TRABD: variants seen among roughly 807,000 people sequenced by gnomAD.
The protein encoded by TRABD is traB domain-containing protein.
A neutral mutation model predicts 39.6 loss-of-function variants in TRABD; 23 were observed. The observed-to-expected ratio is 0.58, with a 90% confidence interval of 0.42 to 0.82. The LOEUF is 0.82. TRABD is among the 40% of genes least tolerant of loss of function. The probability of loss-of-function intolerance (pLI) is 0.00; values close to 1 mark genes in which losing one functional copy is unlikely to be tolerated. For synonymous variants in TRABD, 243 were observed against 232.1 expected (o/e 1.05, Z -0.43); for missense variants, 487 against 544.9 (o/e 0.89, Z 1.06).
chr22:50,190,196 G>A (rs912814578), intron 1 of TRABD, among the ~76,000 whole-genome samples: 4 of 152,180 alleles, frequency 2.6e-5, no homozygotes, highest in African/African-American at 4.8e-5. Context: ...GGCTCCCTGC[G>A]GGCAGCACGC....
intron 5 of TRABD, among the ~76,000 whole-genome samples, chr22:50,196,041 T>C (rs1406330455): frequency 1.3e-5 from 2 of 152,150 alleles, no homozygotes; most frequent in Non-Finnish European, 2.9e-5. Context: ...CGAAGGGGCA[T>C]AGAATTCGGC....
In TRABD at chr22:50,197,603, G is replaced by C. The variant is rs577921610; in HGVS notation, c.671+15G>C. On this transcript the variant is annotated intron_variant, in intron 7 of 9. Coordinates refer to ENST00000380909, the MANE Select transcript of TRABD (RefSeq NM_001320485.2). ...GACCCCATCAGGTAGGGCTGCCCCC[G>C]GGACCCTGGCCGGCCTGCAGGGTGG... 1.4e-5 allele frequency: 22 copies of C among 1,611,548 alleles called. No individual in the cohort carries two copies. In the African/African-American group the frequency reaches 2.3e-4, roughly 17 times the overall value.
chr22:50,189,702 C>G (rs971080546), intron 1 of TRABD, among the ~76,000 whole-genome samples: 1 of 151,018 alleles, frequency 6.6e-6, no homozygotes, highest in Non-Finnish European at 1.5e-5. Flanking sequence ...CTGGCCGGAC[C>G]CCAGGTGATG....
chr22:50,195,344 C>T (rs530288069), intron 5 of TRABD, among the ~76,000 whole-genome samples: 1 of 152,212 alleles, frequency 6.6e-6, no homozygotes, highest in Admixed American at 6.5e-5. Flanking sequence ...AAGGTTGGCC[C>T]CCCCGGTACC....
Position 50,198,486 on chromosome 22 carries a change from C to A in TRABD, c.1098C>A (p.Cys366Ter). Residue 366 changes from cysteine (C) to a stop codon, truncating the protein, a stop_gained, in exon 10 of 10, where the codon TGC becomes TGA. Transcript: ENST00000380909. LOFTEE classifies it high-confidence loss of function. The surrounding 1 kb of genome is among the most constrained non-coding windows in gnomAD (Gnocchi z 7.9). ...TGTCGCTGCCCGCCGCGCAGTACTGCCTGCAGAGGGTGACCGAGGCCCGGC... is the reference window on the plus strand; with the variant it reads ...TGTCGCTGCCCGCCGCGCAGTACTGACTGCAGAGGGTGACCGAGGCCCGGC... ...LVLSLPAAQY[C>*]LQRVTEARHK 1 of 1,588,488 alleles carries A rather than the reference C, an allele frequency of 6.3e-7. No individual in the cohort carries two copies.
rs1442995583 is a variant in TRABD at position 50,190,145 on chromosome 22, G to A, written c.-34-2882G>A. ...TGTCAGAGACGTCCCCCAGAATCAC[G>A]GGCTTTAGGTGCTGGGGGGTCCTCA... On this transcript the variant is annotated intron_variant, in intron 1 of 9. Transcript: ENST00000380909. 3.3e-5 allele frequency among the ~76,000 whole-genome samples: 5 copies of A among 152,224 alleles called. No individual in the cohort carries two copies. In the East Asian group the frequency reaches 5.8e-4, roughly 18 times the overall value.
Position 50,198,623 on chromosome 22 carries a change from A to C in TRABD, c.*104A>C. 1.4e-5 allele frequency: 17 copies of C among 1,213,368 alleles called. No homozygotes were observed. The highest frequency in any genetic ancestry group is 1.6e-5 in the South Asian group (1 of 60,786). 75.2% of individuals were successfully genotyped at this position (1,213,368 alleles called of 1,614,324 possible). A position where few individuals can be genotyped will look rare whatever the true frequency, so the allele number is the denominator to read the frequency against. Reference sequence around the variant, plus strand: ...CCGCCCGAGGCCCCTGCCACCCCCCATGGGGGTCTGGGCCCGGCCTCGCCT... The same window carrying C: ...CCGCCCGAGGCCCCTGCCACCCCCCCTGGGGGTCTGGGCCCGGCCTCGCCT... On this transcript the variant is annotated 3_prime_UTR_variant, in exon 10 of 10. Transcript: ENST00000380909. This position sits in a 1 kb window ranked among gnomAD's most constrained non-coding sequence, Gnocchi z 7.9.
In TRABD at chr22:50,198,760, C is replaced by T. The variant is rs2064221888; in HGVS notation, c.*241C>T. On this transcript the variant is annotated 3_prime_UTR_variant, in exon 10 of 10. Coordinates refer to ENST00000380909, the MANE Select transcript of TRABD (RefSeq NM_001320485.2). This position sits in a 1 kb window ranked among gnomAD's most constrained non-coding sequence, Gnocchi z 7.9. ...CCCCTCCCACACTGCAGGGGCCGTT[C>T]CCCAGCTTCTGGACAAGACACCCAG... The T allele has an allele frequency of 1.8e-6, 1 of 553,900 alleles. No homozygotes were observed. The highest frequency in any genetic ancestry group is 3.2e-6 in the Non-Finnish European group (1 of 315,594). The allele number at this position is 553,900 out of a possible 1,614,324, so 34.3% of individuals were successfully genotyped here. A position where few individuals can be genotyped will look rare whatever the true frequency, so the allele number is the denominator to read the frequency against.
At position 50,198,175 on chromosome 22, in the gene TRABD, G is replaced by A; in HGVS notation, c.945G>A (p.Gln315=). The A allele has an allele frequency of 6.2e-7, 1 of 1,610,918 alleles. No individual in the cohort carries two copies. The highest frequency in any genetic ancestry group is 2.2e-5 in the East Asian group (1 of 44,696). ...EKNWSTDLNI[Q]EIMTVPPPSV... ...ACTGGAGCACCGACCTCAACATCCA[G>A]GAGATCATGACGTGAGTGCCCGCCC... The change falls in exon 9 of 10, where the codon CAG becomes CAA. Residue 315 remains glutamine, a synonymous_variant. Coordinates refer to ENST00000380909, the MANE Select transcript of TRABD (RefSeq NM_001320485.2). This position sits in a 1 kb window ranked among gnomAD's most constrained non-coding sequence, Gnocchi z 7.9.
chr22:50,193,804 G>T (rs961346935), intron 3 of TRABD, 150 bp downstream of exon 3: 6 of 717,012 alleles, frequency 8.4e-6, no homozygotes, highest in Non-Finnish European at 1.2e-5. Context: ...GCTAGGCCTG[G>T]TGCCACCCAA....
At position 50,194,425 on chromosome 22, in the gene TRABD, G is replaced by C; in HGVS notation, c.198G>C (p.Gln66His). 6.2e-7 allele frequency: 1 copy of C among 1,612,842 alleles called. No homozygotes were observed. Among genetic ancestry groups the C allele is most frequent in the Non-Finnish European group, 8.5e-7 (1 of 1,179,732 alleles). ...CCAACCTGCCGCGCACTGTGACCCA[G>C]TTGGTGGCTGAGGACGGGAGCAGGG... ...QRPNLPRTVT[Q>H]LVAEDGSRVY... is the part of the protein sequence containing the mutation. The change falls in exon 4 of 10, where the codon CAG becomes CAC. Residue 66 changes from glutamine (Q) to histidine (H), a missense_variant. Gln to His is a conservative substitution (Grantham distance 24). Around this residue, in one of 3 missense-constraint regions of TRABD, gnomAD observed 358 missense variants for 414.7 expected, o/e 0.86. Transcript: ENST00000380909.
In TRABD at chr22:50,192,646, G is replaced by C. The variant is rs1002106302; in HGVS notation, c.-34-381G>C. ...CTGGGGTCCTTGCCATGTGTCAGCAGCTGCGTTGCTGTGTCCTGAGATCAT... is the reference window on the plus strand; with the variant it reads ...CTGGGGTCCTTGCCATGTGTCAGCACCTGCGTTGCTGTGTCCTGAGATCAT... On this transcript the variant is annotated intron_variant, in intron 1 of 9. Transcript: ENST00000380909. Among the ~76,000 whole-genome samples, 6 of 144,598 alleles carry C rather than the reference G, an allele frequency of 4.1e-5. No homozygotes were observed. The South Asian group carries it at 1.3e-3, about 32-fold the overall frequency. 94.9% of individuals were successfully genotyped at this position (144,598 alleles called of 152,430 possible).
In TRABD at chr22:50,198,526, G is replaced by A; in HGVS notation, c.*7G>A. 1 of 1,534,162 alleles carries A rather than the reference G, an allele frequency of 6.5e-7. No homozygotes were observed. Among genetic ancestry groups the A allele is most frequent in the East Asian group, 2.3e-5 (1 of 43,144 alleles). Reference sequence around the variant, plus strand: ...CGAGGCCCGGCACAAGTAGGAGACTGCTCCCCGCCCGCTCGGGCCCCTGAG... The same window carrying A: ...CGAGGCCCGGCACAAGTAGGAGACTACTCCCCGCCCGCTCGGGCCCCTGAG... On this transcript the variant is annotated 3_prime_UTR_variant, in exon 10 of 10. Coordinates refer to ENST00000380909, the MANE Select transcript of TRABD (RefSeq NM_001320485.2). This position sits in a 1 kb window ranked among gnomAD's most constrained non-coding sequence, Gnocchi z 7.9.
intron 1 of TRABD, among the ~76,000 whole-genome samples, chr22:50,188,424 G>A (rs1243085177): frequency 6.6e-6 from 1 of 152,198 alleles, no homozygotes; most frequent in African/African-American, 2.4e-5. Flanking sequence ...CACTGGTGCT[G>A]GGAAAAAACT....
intron 1 of TRABD, among the ~76,000 whole-genome samples, chr22:50,187,957 G>A (rs1160839456): frequency 6.6e-6 from 1 of 151,436 alleles, no homozygotes; most frequent in Non-Finnish European, 1.5e-5. Context: ...TCCAGCGTGG[G>A]CAACAGAGTG....
At position 50,194,480 on chromosome 22, in the gene TRABD, G is replaced by A. The variant is rs753548407; in HGVS notation, c.253G>A (p.Asp85Asn). ...CGTGGTGGGGACAGCCCACTTCAGC[G>A]ACGACAGCAAGAGGGACGTTGTGAA... The part of the protein sequence containing the change: ...VYVVGTAHFS[D>N]DSKRDVVKTI... Residue 85 changes from aspartate to asparagine, a missense_variant, in exon 4 of 10, where the codon GAC becomes AAC. Coordinates refer to ENST00000380909, the MANE Select transcript of TRABD (RefSeq NM_001320485.2). The A allele has an allele frequency of 5.6e-6, 9 of 1,596,784 alleles. No individual in the cohort carries two copies. Among genetic ancestry groups the A allele is most frequent in the African/African-American group, 4.0e-5 (3 of 74,496 alleles).
intron 2 of TRABD, 43 bp downstream of exon 2, chr22:50,193,136 G>A (rs1308023120): frequency 6.6e-7 from 1 of 1,517,630 alleles, no homozygotes; most frequent in South Asian, 1.2e-5. Context: ...CAGGGGCGGG[G>A]GGCTTCCCCG....
intron 1 of TRABD, among the ~76,000 whole-genome samples, chr22:50,186,650 G>A (rs13054650): frequency 1.3e-5 from 2 of 151,990 alleles, no homozygotes; most frequent in African/African-American, 2.4e-5. Flanking sequence ...GGGGGAGGCC[G>A]AGCGGGAGGC....
Position 50,198,807 on chromosome 22 carries a change from T to G in TRABD, c.*288T>G. On this transcript the variant is annotated 3_prime_UTR_variant, in exon 10 of 10. Transcript: ENST00000380909. This position sits in a 1 kb window ranked among gnomAD's most constrained non-coding sequence, Gnocchi z 7.9. ...CCAGCTCCGAGGGGGCAGGGGCTTA[T>G]AGGAGGGGCCGAGGCGTGCGCTGCC... The G allele has an allele frequency of 1.9e-6, 1 of 537,468 alleles. No individual in the cohort carries two copies. Among genetic ancestry groups the G allele is most frequent in the Non-Finnish European group, 3.3e-6 (1 of 303,782 alleles). 33.3% of individuals were successfully genotyped at this position (537,468 alleles called of 1,614,324 possible).
Sources: allele counts gnomAD v4.1 joint callset (sites outside exome capture counted in the v4.1 genomes callset), GRCh38; gene constraint gnomAD v4.1.1; regional missense constraint gnomAD v4.1.1; non-coding constraint Gnocchi (gnomAD v3.1); transcripts MANE v1.5; gene names NCBI Gene and HGNC (gene_info 2026-07-23, HGNC 2026-07-21).